The following SREBF2 variants were observed in gnomAD, a reference collection of about 807,000 sequenced individuals.
The protein encoded by SREBF2 is sterol regulatory element binding transcription factor 2.
SREBF2 carries 55 observed loss-of-function variants against 113.1 expected under a neutral mutation model. The ratio of observed to expected loss-of-function variants is 0.49; its 90% CI spans 0.39 to 0.61. The LOEUF is 0.61. SREBF2 is among the 20% of genes least tolerant of loss of function. The pLI is 0.00. For synonymous variants in SREBF2, 593 were observed against 605.7 expected (o/e 0.98, Z 0.31); for missense variants, 1,349 against 1,487.4 (o/e 0.91, Z 1.53).
At position 41,871,030 on chromosome 22, in the gene SREBF2, G is replaced by A. The variant is rs151151395; in HGVS notation, c.862G>A (p.Val288Ile). ...CCCTATCCAGACGGCTGCCCTTCAA[G>A]TACCAGTAAGAGCTGCCTTCTCCCC... is the stretch of plus-strand genomic sequence containing the variant. ...TTPIQTAALQ[V>I]PTLVGSSGTI... Residue 288 changes from valine (V) to isoleucine (I), a missense_variant, in exon 4 of 19, where the codon GTA becomes ATA. By Grantham distance (29) the Val-to-Ile change is conservative. Transcript: ENST00000361204. 6.2e-7 allele frequency: 1 copy of A among 1,614,000 alleles called. No homozygotes were observed. Among genetic ancestry groups the A allele is most frequent in the Non-Finnish European group, 8.5e-7 (1 of 1,180,014 alleles).
chr22:41,878,244 TGAA>T, intron 9 of SREBF2, 121 bp downstream of exon 9: 1 of 1,340,348 alleles, frequency 7.5e-7, no homozygotes, highest in Non-Finnish European at 1.0e-6. Flanking sequence ...ACCCTGCTGC[TGAA>T]TAGTCACAGG....
At chr22:41,866,507 G>A (rs147484238) in intron 1 of SREBF2, among the ~76,000 whole-genome samples, 39 of 152,286 alleles carry the variant, frequency 2.6e-4, no homozygotes, top group Admixed American at 6.5e-4. Context: ...ACAAGTTCGC[G>A]CCACTGCACT....
chr22:41,893,369 A>C, intron 12 of SREBF2, 84 bp downstream of exon 12: 1 of 1,439,910 alleles, frequency 6.9e-7, no homozygotes. Flanking sequence ...AGACACGCGG[A>C]GACACGGGTT....
intron 10 of SREBF2, among the ~76,000 whole-genome samples, chr22:41,881,262 C>T (rs76595218): frequency 2.0e-5 from 3 of 152,162 alleles, no homozygotes; most frequent in African/African-American, 7.2e-5. Context: ...GATAAGTTGG[C>T]AGTGTTTTTC....
chr22:41,899,036 C>G, intron 15 of SREBF2: 1 of 608,176 alleles, frequency 1.6e-6, no homozygotes, highest in South Asian at 1.8e-5. Flanking sequence ...CCGGGTCCTC[C>G]TCCCTGCAGC....
chr22:41,892,587 G>A (rs1020361955), intron 11 of SREBF2, among the ~76,000 whole-genome samples: 3 of 147,506 alleles, frequency 2.0e-5, no homozygotes, highest in Non-Finnish European at 4.4e-5. Context: ...GGCAGAGCTT[G>A]CAGTGAGTCG....
intron 15 of SREBF2, chr22:41,899,338 G>A (rs546200668): frequency 9.8e-7 from 1 of 1,019,282 alleles, no homozygotes; most frequent in East Asian, 8.5e-5. Flanking sequence ...CCTCTTTGGA[G>A]ATTCATGTCT....
At chr22:41,860,104 C>T (rs1602292168) in intron 1 of SREBF2, among the ~76,000 whole-genome samples, 1 of 151,654 alleles carries the variant, frequency 6.6e-6, no homozygotes, top group African/African-American at 2.4e-5. Context: ...CGCGCCAGGC[C>T]GACATGGTGA....
intron 5 of SREBF2, 147 bp downstream of exon 5, chr22:41,874,166 A>G: frequency 2.5e-6 from 2 of 806,916 alleles, no homozygotes; most frequent in Non-Finnish European, 4.1e-6. Context: ...TCTTGGTGTC[A>G]TGTCAAGATT....
At chr22:41,837,150 A>G (rs2076783773) in intron 1 of SREBF2, among the ~76,000 whole-genome samples, 1 of 152,224 alleles carries the variant, frequency 6.6e-6, no homozygotes, top group African/African-American at 2.4e-5. Context: ...GCCATATTAT[A>G]GAGTGTGACT....
intron 10 of SREBF2, among the ~76,000 whole-genome samples, chr22:41,881,700 T>G (rs189975301): frequency 6.9e-4 from 105 of 152,298 alleles, no homozygotes; most frequent in Non-Finnish European, 1.3e-3. Context: ...GCTGAGGATC[T>G]TGTAGTGTAT....
intron 17 of SREBF2, chr22:41,904,451 G>T (rs1366054996): frequency 1.7e-5 from 7 of 408,916 alleles, no homozygotes; most frequent in Non-Finnish European, 2.5e-5. Flanking sequence ...ACGGAAAGAG[G>T]ATACCAAACC....
At chr22:41,848,263 T>G (rs2076896448) in intron 1 of SREBF2, among the ~76,000 whole-genome samples, 1 of 151,996 alleles carries the variant, frequency 6.6e-6, no homozygotes. Flanking sequence ...CCCCCTGTAT[T>G]TTTTTAGTAG....
At chr22:41,858,343 T>G (rs2076995962) in intron 1 of SREBF2, among the ~76,000 whole-genome samples, 1 of 152,212 alleles carries the variant, frequency 6.6e-6, no homozygotes, top group African/African-American at 2.4e-5. Flanking sequence ...GGGTTTTTCT[T>G]AAGCGTTACA....
chr22:41,875,720 C>G lies in SREBF2; in HGVS notation c.1382C>G (p.Ala461Gly), dbSNP rs2077191409. The G allele has an allele frequency of 6.2e-7, 1 of 1,614,142 alleles. No individual in the cohort carries two copies. The highest frequency in any genetic ancestry group is 8.5e-7 in the Non-Finnish European group (1 of 1,180,012). The change falls in exon 7 of 19, where the codon GCA becomes GGA. Residue 461 changes from alanine (A) to glycine (G), a missense_variant. Ala to Gly is a moderately conservative substitution (Grantham distance 60, BLOSUM62 0). Coordinates refer to ENST00000361204, the MANE Select transcript of SREBF2 (RefSeq NM_004599.4). ...SEPGSPLLDD[A>G]KVKDEPDSPP... ...CCAGGAAGCCCTCTATTGGATGATG[C>G]AAAGGTACAGACTTTTGAAATCTCC... is the stretch of plus-strand genomic sequence containing the variant.
intron 1 of SREBF2, among the ~76,000 whole-genome samples, chr22:41,851,743 C>T (rs1311042914): frequency 2.6e-5 from 4 of 151,948 alleles, no homozygotes; most frequent in African/African-American, 4.8e-5. Context: ...GATCCACCCG[C>T]CTCGGCCTCC....
At chr22:41,890,278 T>A (rs1377286437) in intron 11 of SREBF2, among the ~76,000 whole-genome samples, 1 of 152,168 alleles carries the variant, frequency 6.6e-6, no homozygotes. Context: ...ATGACAGATA[T>A]CACATCTCCA....
At chr22:41,894,555 GCACTGTGCCAGGA>G in intron 12 of SREBF2, among the ~76,000 whole-genome samples, 2 of 152,044 alleles carry the variant, frequency 1.3e-5, no homozygotes, top group Non-Finnish European at 2.9e-5. Flanking sequence ...AGAGTACTGA[GCACTGTGCCAGGA>G]GACACAGCAC....
intron 1 of SREBF2, among the ~76,000 whole-genome samples, chr22:41,858,393 G>A (rs2076996351): frequency 6.6e-6 from 1 of 152,182 alleles, no homozygotes; most frequent in Non-Finnish European, 1.5e-5. Flanking sequence ...TAAAAATGGT[G>A]TATAGTCAGT....
Sources: allele counts gnomAD v4.1 joint callset (sites outside exome capture counted in the v4.1 genomes callset), GRCh38; gene constraint gnomAD v4.1.1; transcripts MANE v1.5; gene names NCBI Gene and HGNC (gene_info 2026-07-23, HGNC 2026-07-21).